Variants in PUS1 observed in about 807,000 individuals in gnomAD.
PUS1 encodes the protein pseudouridylate synthase 1 homolog.
A neutral mutation model predicts 38.5 loss-of-function variants in PUS1; 25 were observed. That is an observed-to-expected ratio of 0.65 (90% CI 0.47 to 0.91). The LOEUF (loss-of-function observed/expected upper bound fraction) is 0.91. Among genes scored for constraint, PUS1 ranks in the 40% least tolerant of loss-of-function variants. The probability of loss-of-function intolerance (pLI) is 0.00; values close to 1 mark genes in which losing one functional copy is unlikely to be tolerated. For synonymous variants in PUS1, 282 were observed against 260.4 expected, an observed-to-expected ratio of 1.08 and a Z score of -0.80; for missense variants, 597 against 612.3, an observed-to-expected ratio of 0.97 and a Z score of 0.26.
intron 2 of PUS1, among the ~76,000 whole-genome samples, chr12:131,930,860 G>T (rs758564307): frequency 1.9e-4 from 29 of 151,922 alleles, no homozygotes; most frequent in Non-Finnish European, 3.7e-4. Flanking sequence ...ATGGGGTCTC[G>T]CTGTGTTGCC....
Position 131,939,233 on chromosome 12 carries a change from G to T in PUS1, c.502G>T (p.Glu168Ter). 1 of 1,562,050 alleles carries T rather than the reference G, an allele frequency of 6.4e-7. No homozygotes were observed. Among genetic ancestry groups the T allele is most frequent in the African/African-American group, 1.4e-5 (1 of 73,434 alleles). ...GGTGTGGCTGATTGACGACATTCTA[G>T]AAAAGATCAACAGCCACCTTCCCTC... ...LKVWLIDDILEKINSHLPSHI... is the reference protein window; with the variant it reads ...LKVWLIDDIL The change falls in exon 4 of 6, where the codon GAA (glutamate) becomes TAA (stop). Residue 168 changes from glutamate (E) to a stop codon, truncating the protein, a stop_gained. Transcript: ENST00000376649. LOFTEE classifies it high-confidence loss of function.
chr12:131,937,838 G>A (rs1225590836), intron 3 of PUS1, among the ~76,000 whole-genome samples: 1 of 152,064 alleles, frequency 6.6e-6, no homozygotes, highest in Non-Finnish European at 1.5e-5. Flanking sequence ...GAGCCACTGT[G>A]CTTGGCCTTT....
rs1363171458 is a variant in PUS1, at chr12:131,929,915, G to T, written c.83G>T (p.Arg28Leu). ...GCCGCCCTTCTCCGCAGCTCGCCGC[G>T]CATGGCCGGGAACGCGGAGCCGCCG... Reference protein sequence around the residue: ...RLGPRPSCSPRMAGNAEPPPA... With the variant: ...RLGPRPSCSPLMAGNAEPPPA... Residue 28 changes from arginine to leucine, a missense_variant, in exon 2 of 6, where the codon CGC becomes CTC. By Grantham distance (102) the Arg-to-Leu change is moderately radical. Coordinates refer to ENST00000376649, the MANE Select transcript of PUS1 (RefSeq NM_025215.6). The T allele has an allele frequency of 7.0e-7, 1 of 1,421,200 alleles. No individual in the cohort carries two copies. Among genetic ancestry groups the T allele is most frequent in the Non-Finnish European group, 9.2e-7 (1 of 1,086,026 alleles). The allele number at this position is 1,421,200 out of a possible 1,614,324, so 88.0% of individuals were successfully genotyped here. A position where few individuals can be genotyped will look rare whatever the true frequency, so the allele number is the denominator to read the frequency against.
chr12:131,940,222 G>A (rs1891006831), intron 4 of PUS1, among the ~76,000 whole-genome samples: 1 of 151,982 alleles, frequency 6.6e-6, no homozygotes, highest in Non-Finnish European at 1.5e-5. Flanking sequence ...GTAGAGATGG[G>A]GTTTCGCCAT....
rs774641249 is a variant in PUS1 at position 131,929,945 on chromosome 12, C to T, written c.113C>T (p.Ala38Val). 2.0e-6 allele frequency: 3 copies of T among 1,496,538 alleles called. No individual in the cohort carries two copies. Among genetic ancestry groups the T allele is most frequent in the South Asian group, 1.3e-5 (1 of 79,154 alleles). The allele number at this position is 1,496,538 out of a possible 1,614,324, so 92.7% of individuals were successfully genotyped here. The change falls in exon 2 of 6, where the codon GCC becomes GTC. Residue 38 changes from alanine (A) to valine (V), a missense_variant. Ala to Val is a moderately conservative substitution (Grantham distance 64, BLOSUM62 0). Transcript: ENST00000376649. ...RMAGNAEPPP[A>V]GAACPQDRRS... The stretch of plus-strand genomic sequence containing the variant: ...GCCGGGAACGCGGAGCCGCCGCCCG[C>T]CGGAGCCGCATGCCCCCAGGACCGG...
chr12:131,934,086 A>G (rs1051964002), intron 3 of PUS1, among the ~76,000 whole-genome samples: 3 of 152,264 alleles, frequency 2.0e-5, no homozygotes, highest in African/African-American at 7.2e-5. Context: ...CTTATCAGAA[A>G]GATCAAAGAC....
chr12:131,931,780 C>A, intron 2 of PUS1: 1 of 350,504 alleles, frequency 2.9e-6, no homozygotes, highest in South Asian at 3.5e-5. Context: ...ATCCACCCTC[C>A]TCGGCCTCCC....
rs1891062787 is a variant in PUS1 at position 131,941,470 on chromosome 12, C to T, written c.723C>T (p.Gly241=). 1.9e-6 allele frequency: 3 copies of T among 1,613,376 alleles called. No individual in the cohort carries two copies. In the African/African-American group the frequency reaches 4.0e-5, roughly 22 times the overall value. Residue 241 remains glycine, a synonymous_variant, in exon 5 of 6, where the codon GGC becomes GGT. Coordinates refer to ENST00000376649, the MANE Select transcript of PUS1 (RefSeq NM_025215.6). The surrounding 1 kb of genome is among the most constrained non-coding windows in gnomAD (Gnocchi z 4.4). ...ACAGGCTCCTGGCCTGCTACAAGGG[C>T]ACGCACAACTTCCACAATTTCACCT... ...QVNRLLACYK[G]THNFHNFTSQ...
chr12:131,942,023 C>T (rs1410518557), intron 5 of PUS1, 40 bp downstream of exon 5: 9 of 1,536,652 alleles, frequency 5.9e-6, no homozygotes, highest in Admixed American at 3.6e-5. Context: ...AGAACACAGG[C>T]CCACATTGTT....
chr12:131,930,906 T>G (rs560530936), intron 2 of PUS1, among the ~76,000 whole-genome samples: 7 of 152,302 alleles, frequency 4.6e-5, no homozygotes, highest in African/African-American at 1.7e-4. Flanking sequence ...CAAGCGATCC[T>G]CCTGCCTCGG....
chr12:131,941,741 G>A lies in PUS1; in HGVS notation c.994G>A (p.Gly332Ser), dbSNP rs762353739. 9.9e-6 allele frequency: 16 copies of A among 1,614,042 alleles called. No homozygotes were observed. Among genetic ancestry groups the A allele is most frequent in the East Asian group, 2.2e-5 (1 of 44,894 alleles). The change falls in exon 5 of 6, where the codon GGC (glycine) becomes AGC (serine). Residue 332 changes from glycine to serine, a missense_variant. Transcript: ENST00000376649. This position sits in a 1 kb window ranked among gnomAD's most constrained non-coding sequence, Gnocchi z 4.4. ...GGACGTGCCCAAGGCGCCCGGACTC[G>A]GCCTGGTCCTGGAGAGGGTGCACTT... ...KVDVPKAPGL[G>S]LVLERVHFEK...
In PUS1 at chr12:131,941,145, C is replaced by T. The variant is rs1181224757; in HGVS notation, c.545-147C>T. On this transcript the variant is annotated intron_variant, in intron 4 of 5. Coordinates refer to ENST00000376649, the MANE Select transcript of PUS1 (RefSeq NM_025215.6). The surrounding 1 kb of genome is among the most constrained non-coding windows in gnomAD (Gnocchi z 4.4). The stretch of plus-strand genomic sequence containing the variant: ...TGCCTGTTCCCCAGCCTGTGGCTGC[C>T]CCCTCCCCAGAGAAGCCGATGCTTG... 1.4e-5 allele frequency: 10 copies of T among 693,824 alleles called. No individual in the cohort carries two copies. Among genetic ancestry groups the T allele is most frequent in the Middle Eastern group, 2.7e-4 (1 of 3,656 alleles). The allele number at this position is 693,824 out of a possible 1,614,324, so 43.0% of individuals were successfully genotyped here. A position where few individuals can be genotyped will look rare whatever the true frequency, so the allele number is the denominator to read the frequency against.
At chr12:131,935,490 C>T (rs1368434942) in intron 3 of PUS1, among the ~76,000 whole-genome samples, 1 of 152,118 alleles carries the variant, frequency 6.6e-6, no homozygotes, top group Non-Finnish European at 1.5e-5. Context: ...AGTGCCCTGC[C>T]CTTCAGATGA....
Position 131,941,921 on chromosome 12 carries a change from A to C in PUS1, c.1174A>C (p.Ser392Arg). 1 of 1,612,918 alleles carries C rather than the reference A, an allele frequency of 6.2e-7. No individual in the cohort carries two copies. Among genetic ancestry groups the C allele is most frequent in the East Asian group, 2.2e-5 (1 of 44,876 alleles). The change falls in exon 5 of 6, where the codon AGC becomes CGC. Residue 392 changes from serine to arginine, a missense_variant. By Grantham distance (110) the Ser-to-Arg change is moderately radical (BLOSUM62 -1). Transcript: ENST00000376649. This position sits in a 1 kb window ranked among gnomAD's most constrained non-coding sequence, Gnocchi z 4.4. Reference protein sequence around the residue: ...RDERSMAQWLSTLPIHNFSAT... With the variant: ...RDERSMAQWLRTLPIHNFSAT... ...CGAACGCTCCATGGCCCAGTGGCTGAGCACCTTGCCCATCCACAACTTCAG... is the reference window on the plus strand; with the variant it reads ...CGAACGCTCCATGGCCCAGTGGCTGCGCACCTTGCCCATCCACAACTTCAG...
intron 4 of PUS1, among the ~76,000 whole-genome samples, chr12:131,940,587 A>G (rs1173222836): frequency 2.0e-5 from 3 of 151,728 alleles, no homozygotes; most frequent in Non-Finnish European, 4.4e-5. Context: ...TTTTATTTTT[A>G]TATTTTTTAT....
rs1356997455 is a variant in PUS1 at position 131,945,859 on chromosome 12, T to C, written c.*2273T>C. The C allele has an allele frequency of 1.3e-5, 2 of 152,160 alleles. No individual in the cohort carries two copies. Among genetic ancestry groups the C allele is most frequent in the African/African-American group, 4.8e-5 (2 of 41,442 alleles). 9.4% of individuals were successfully genotyped at this position (152,160 alleles called of 1,614,324 possible). A position where few individuals can be genotyped will look rare whatever the true frequency, so the allele number is the denominator to read the frequency against. Reference sequence around the variant, plus strand: ...GTATGTGACATTTTAAAATAATATGTATATATGGAAGGAAATAAAAAACTA... The same window carrying C: ...GTATGTGACATTTTAAAATAATATGCATATATGGAAGGAAATAAAAAACTA... On this transcript the variant is annotated 3_prime_UTR_variant, in exon 6 of 6. Transcript: ENST00000376649.
rs929463003 is a variant in PUS1, at chr12:131,929,598, G to A, written c.-125G>A. The A allele has an allele frequency of 2.1e-5, 17 of 820,370 alleles. No individual in the cohort carries two copies. In the African/African-American group the frequency reaches 2.7e-4, roughly 13 times the overall value. The allele number at this position is 820,370 out of a possible 1,614,324, so 50.8% of individuals were successfully genotyped here. A position where few individuals can be genotyped will look rare whatever the true frequency, so the allele number is the denominator to read the frequency against. On this transcript the variant is annotated 5_prime_UTR_variant, in exon 1 of 6. Coordinates refer to ENST00000376649, the MANE Select transcript of PUS1 (RefSeq NM_025215.6). ...GGGCGCCGGTTTCCCGGAGGTCAGG[G>A]GTCAGAAGGAACAGGGCTGCAGCGT... is the stretch of plus-strand genomic sequence containing the variant.
chr12:131,931,093 T>G (rs1341805430), intron 2 of PUS1, among the ~76,000 whole-genome samples: 1 of 152,214 alleles, frequency 6.6e-6, no homozygotes, highest in East Asian at 1.9e-4. Flanking sequence ...GAAACAAAAG[T>G]TTAAGAAAAT....
In PUS1 at chr12:131,942,095, A is replaced by G. The variant is rs544728804; in HGVS notation, c.1236+112A>G. 17 of 1,012,442 alleles carry G rather than the reference A, an allele frequency of 1.7e-5. No individual in the cohort carries two copies. In the Admixed American group the frequency reaches 2.7e-4, roughly 16 times the overall value. The allele number at this position is 1,012,442 out of a possible 1,614,324, so 62.7% of individuals were successfully genotyped here. A position where few individuals can be genotyped will look rare whatever the true frequency, so the allele number is the denominator to read the frequency against. On this transcript the variant is annotated intron_variant, in intron 5 of 5. Coordinates refer to ENST00000376649, the MANE Select transcript of PUS1 (RefSeq NM_025215.6). ...GTGTGTCACTTCCCCGCAAGGCCAC[A>G]CAGCTGCTGCAGGAGCAGGGGCAGG...
Sources: allele counts gnomAD v4.1 joint callset (sites outside exome capture counted in the v4.1 genomes callset), GRCh38; gene constraint gnomAD v4.1.1; non-coding constraint Gnocchi (gnomAD v3.1); transcripts MANE v1.5; gene names NCBI Gene and HGNC (gene_info 2026-07-23, HGNC 2026-07-21).